The following CERKL variants were observed in gnomAD, a reference collection of about 807,000 sequenced individuals.
The protein encoded by CERKL is CERK like autophagy regulator.
Under a neutral mutation model 63.4 loss-of-function variants are expected in CERKL, and 61 were observed. The observed-to-expected ratio is 0.96, with a 90% CI of 0.78 to 1.19. CERKL has a LOEUF of 1.19. Ranked by LOEUF, CERKL falls within the 50% of genes most tolerant of loss-of-function variation. The pLI is 0.00. For synonymous variants in CERKL, 250 were observed against 230.5 expected, an observed-to-expected ratio of 1.08 and a Z score of -0.77; for missense variants, 675 against 655.5, an observed-to-expected ratio of 1.03 and a Z score of -0.33.
chr2:181,638,802 C>G (rs1687295271), intron 1 of CERKL, among the ~76,000 whole-genome samples: 1 of 152,166 alleles, frequency 6.6e-6, no homozygotes. Context: ...AATCTTTTTC[C>G]CAAGTCCTCA....
At chr2:181,575,206 ACAGCTCTGGT>A (rs1292468520) in intron 2 of CERKL, among the ~76,000 whole-genome samples, 2 of 152,140 alleles carry the variant, frequency 1.3e-5, no homozygotes, top group Non-Finnish European at 2.9e-5. Context: ...CTTTGGCATC[ACAGCTCTGGT>A]CAGTGCTGCA....
chr2:181,590,560 T>C (rs1260045745), intron 2 of CERKL, among the ~76,000 whole-genome samples: 3 of 151,972 alleles, frequency 2.0e-5, no homozygotes, highest in Non-Finnish European at 2.9e-5. Context: ...TCCTGAAATA[T>C]AAAGAACTTG....
chr2:181,589,979 AT>A (rs57728937), intron 2 of CERKL, among the ~76,000 whole-genome samples: 27,062 of 144,990 alleles, frequency 0.19, 3,886 homozygotes, highest in African/African-American at 0.41. Context: ...CACCCAGCTA[AT>A]TTTTTTTTTT....
chr2:181,616,193 G>C (rs1050911725), intron 1 of CERKL, among the ~76,000 whole-genome samples: 2 of 142,274 alleles, frequency 1.4e-5, no homozygotes, highest in African/African-American at 2.7e-5. Context: ...CAATGAAACA[G>C]TCAAAAATCT....
intron 1 of CERKL, among the ~76,000 whole-genome samples, chr2:181,643,108 A>G (rs1014351005): frequency 1.9e-4 from 29 of 152,198 alleles, no homozygotes; most frequent in Non-Finnish European, 3.8e-4. Flanking sequence ...CACACCAGAC[A>G]GTGGGCCCCA....
At chr2:181,652,785 T>C (rs1184941413) in intron 1 of CERKL, among the ~76,000 whole-genome samples, 1 of 152,024 alleles carries the variant, frequency 6.6e-6, no homozygotes, top group African/African-American at 2.4e-5. Context: ...ATGACTTTTT[T>C]TTTTTTTTGA....
intron 1 of CERKL, among the ~76,000 whole-genome samples, chr2:181,617,699 C>T (rs1450854891): frequency 2.6e-5 from 4 of 152,046 alleles, no homozygotes; most frequent in African/African-American, 4.8e-5. Flanking sequence ...TAAAATCATA[C>T]GTGGGCAAAA....
chr2:181,620,204 C>T (rs1686387579), intron 1 of CERKL, among the ~76,000 whole-genome samples: 2 of 152,160 alleles, frequency 1.3e-5, no homozygotes, highest in Admixed American at 6.5e-5. Context: ...TATGTCTGGG[C>T]ATGGGCTTCC....
At chr2:181,596,687 G>A (rs913986630) in intron 2 of CERKL, among the ~76,000 whole-genome samples, 1 of 152,124 alleles carries the variant, frequency 6.6e-6, no homozygotes, top group Non-Finnish European at 1.5e-5. Context: ...CCCTGGAAAG[G>A]TTTCTTTGGT....
At chr2:181,641,326 TATATATATATATATATATAC>T (rs1206039355) in intron 1 of CERKL, among the ~76,000 whole-genome samples, 138 of 19,660 alleles carry the variant, frequency 7.0e-3, no homozygotes, top group Non-Finnish European at 0.015. Flanking sequence ...TATATATATA[TATATATATATATATATATAC>T]ATATATATAC....
intron 3 of CERKL, among the ~76,000 whole-genome samples, chr2:181,570,293 C>A (rs989764957): frequency 2.6e-5 from 4 of 152,166 alleles, no homozygotes; most frequent in African/African-American, 9.7e-5. Flanking sequence ...GCTCCACCCA[C>A]AAGGAGAAAA....
chr2:181,612,734 ATTTT>A (rs1432784313), intron 1 of CERKL, among the ~76,000 whole-genome samples: 1 of 152,048 alleles, frequency 6.6e-6, no homozygotes, highest in Non-Finnish European at 1.5e-5. Flanking sequence ...CTTCCAAATT[ATTTT>A]TTAATTACAA....
chr2:181,604,225 T>C, intron 1 of CERKL, 146 bp from the exon 2 acceptor site: 1 of 633,700 alleles, frequency 1.6e-6, no homozygotes, highest in Non-Finnish European at 2.7e-6. Flanking sequence ...AATACCTGGG[T>C]GATGAAATAA....
chr2:181,617,611 A>T (rs1310229752), intron 1 of CERKL, among the ~76,000 whole-genome samples: 1 of 152,202 alleles, frequency 6.6e-6, no homozygotes, highest in Admixed American at 6.5e-5. Flanking sequence ...TTTAAAATAT[A>T]TTATAATAAA....
rs1687367803 is a variant in CERKL at position 181,539,201 on chromosome 2, T to C, written c.1429A>G (p.Thr477Ala). 1 of 1,605,832 alleles carries C rather than the reference T, an allele frequency of 6.2e-7. No individual in the cohort carries two copies. Among genetic ancestry groups the C allele is most frequent in the African/African-American group, 1.3e-5 (1 of 74,838 alleles). ...TCCTCCTCTGGATTATATCCACCAG[T>C]ATTATTCCTTGGATGAACTTTTACT... is the stretch of plus-strand genomic sequence containing the variant. Reference protein sequence around the residue: ...EEVKVHPRNNTGGYNPEEEED... With the variant: ...EEVKVHPRNNAGGYNPEEEED... Residue 477 changes from threonine (T) to alanine (A), a missense_variant, in exon 12 of 13, where the codon ACT becomes GCT. Thr to Ala is a moderately conservative substitution (Grantham distance 58, BLOSUM62 0). Coordinates refer to ENST00000410087, the MANE Select transcript of CERKL (RefSeq NM_201548.5).
chr2:181,622,261 C>T (rs1321096487), intron 1 of CERKL, among the ~76,000 whole-genome samples: 1 of 152,192 alleles, frequency 6.6e-6, no homozygotes, highest in Admixed American at 6.5e-5. Context: ...AAGCCGCATG[C>T]TCTTTGCCCC....
chr2:181,579,347 C>T (rs191292985), intron 2 of CERKL, among the ~76,000 whole-genome samples: 1 of 151,992 alleles, frequency 6.6e-6, no homozygotes, highest in East Asian at 1.9e-4. Context: ...AAGTGAAATA[C>T]TGTATGTGAC....
intron 1 of CERKL, among the ~76,000 whole-genome samples, chr2:181,636,562 C>T (rs1339862886): frequency 6.6e-6 from 1 of 152,180 alleles, no homozygotes; most frequent in Admixed American, 6.5e-5. Flanking sequence ...TCCTTGCATG[C>T]TATTCAAAGT....
intron 1 of CERKL, among the ~76,000 whole-genome samples, chr2:181,636,900 G>A (rs1687203333): frequency 6.6e-6 from 1 of 152,150 alleles, no homozygotes; most frequent in Admixed American, 6.5e-5. Context: ...AATAGATCAT[G>A]TAGTTATTCT....
Sources: allele counts gnomAD v4.1 joint callset (sites outside exome capture counted in the v4.1 genomes callset), GRCh38; gene constraint gnomAD v4.1.1; transcripts MANE v1.5; gene names NCBI Gene and HGNC (gene_info 2026-07-23, HGNC 2026-07-21).